Variants in KCND3 observed in about 807,000 individuals in gnomAD.
KCND3 encodes the protein A-type voltage-gated potassium channel KCND3.
Under a neutral mutation model 51.1 loss-of-function variants are expected in KCND3, and 9 were observed. The ratio of observed to expected loss-of-function variants is 0.18; its 90% CI spans 0.11 to 0.31. The LOEUF is 0.31. KCND3 is among the 10% of genes least tolerant of loss of function. KCND3 has a pLI of 1.00. For synonymous variants in KCND3, 349 were observed against 368.0 expected (o/e 0.95, Z 0.59); for missense variants, 526 against 903.8 (o/e 0.58, Z 5.36).
intron 2 of KCND3, among the ~76,000 whole-genome samples, chr1:111,819,102 T>C (rs1666236388): frequency 6.6e-6 from 1 of 152,018 alleles, no homozygotes; most frequent in Non-Finnish European, 1.5e-5. Context: ...CCTTCTTGCT[T>C]TTAGGAGAGC....
chr1:111,937,088 T>G (rs934066591), intron 2 of KCND3, among the ~76,000 whole-genome samples: 1 of 152,064 alleles, frequency 6.6e-6, no homozygotes, highest in African/African-American at 2.4e-5. Flanking sequence ...CATTGATGGA[T>G]CTGGGTGTGG....
At chr1:111,823,863 T>A (rs1045809021) in intron 2 of KCND3, among the ~76,000 whole-genome samples, 1 of 151,988 alleles carries the variant, frequency 6.6e-6, no homozygotes, top group Non-Finnish European at 1.5e-5. Context: ...ATAACTATAA[T>A]CAGGAAGCAT....
intron 2 of KCND3, among the ~76,000 whole-genome samples, chr1:111,788,883 TATACAGCTCCACA>T (rs1248025781): frequency 6.6e-6 from 1 of 152,228 alleles, no homozygotes; most frequent in East Asian, 1.9e-4. Flanking sequence ...TATTGTGACA[TATACAGCTCCACA>T]AACAATAGAT....
At chr1:111,907,340 T>G (rs567138375) in intron 2 of KCND3, among the ~76,000 whole-genome samples, 1 of 152,244 alleles carries the variant, frequency 6.6e-6, no homozygotes, top group Non-Finnish European at 1.5e-5. Flanking sequence ...TGCCCTTGTG[T>G]GTGGGCTGGA....
intron 2 of KCND3, among the ~76,000 whole-genome samples, chr1:111,945,282 C>T (rs75432786): frequency 0.01 from 1,545 of 152,266 alleles, 28 homozygotes; most frequent in African/African-American, 0.035. Context: ...TCATGTGGCT[C>T]GGCATGCACA....
intron 2 of KCND3, among the ~76,000 whole-genome samples, chr1:111,885,316 A>G (rs1669519427): frequency 6.6e-6 from 1 of 152,208 alleles, no homozygotes; most frequent in East Asian, 1.9e-4. Flanking sequence ...CAGAACTCTT[A>G]TCAACAACTC....
At chr1:111,965,480 A>G (rs1673928559) in intron 2 of KCND3, among the ~76,000 whole-genome samples, 2 of 148,852 alleles carry the variant, frequency 1.3e-5, no homozygotes, top group African/African-American at 5.1e-5. Flanking sequence ...ACACACACAC[A>G]CACACACACG....
At chr1:111,892,755 A>G (rs1669889652) in intron 2 of KCND3, among the ~76,000 whole-genome samples, 3 of 152,244 alleles carry the variant, frequency 2.0e-5, no homozygotes, top group South Asian at 4.1e-4. Context: ...TTGATTGATT[A>G]ATTAATTCAT....
intron 2 of KCND3, among the ~76,000 whole-genome samples, chr1:111,848,657 C>A (rs1319831397): frequency 1.3e-5 from 2 of 152,226 alleles, no homozygotes; most frequent in Non-Finnish European, 2.9e-5. Context: ...TGGTGCGTGG[C>A]CCCTGGGGCT....
chr1:111,818,275 G>T (rs759249435), intron 2 of KCND3, among the ~76,000 whole-genome samples: 1 of 152,218 alleles, frequency 6.6e-6, no homozygotes, highest in Non-Finnish European at 1.5e-5. Context: ...ATCTGCCTGC[G>T]CCAGGGCCCG....
chr1:111,910,484 C>T (rs1293345600), intron 2 of KCND3, among the ~76,000 whole-genome samples: 2 of 152,200 alleles, frequency 1.3e-5, no homozygotes, highest in East Asian at 1.9e-4. Flanking sequence ...CTAAAGTTTA[C>T]TGGTGCCTGT....
In KCND3 at chr1:111,868,861, C is replaced by T. The variant is rs140518905; in HGVS notation, c.1107-81755G>A. Among the ~76,000 whole-genome samples, 505 of 152,294 alleles carry T rather than the reference C, an allele frequency of 3.3e-3. 3 individuals are homozygous for T. Among genetic ancestry groups the T allele is most frequent in the African/African-American group, 0.011 (477 of 41,566 alleles). Reference sequence around the variant, plus strand: ...CGTGATCCTCCCATCTTAGCCTTCTCTGTCTCCCGAGTAGCCGGATTACAG... The same window carrying T: ...CGTGATCCTCCCATCTTAGCCTTCTTTGTCTCCCGAGTAGCCGGATTACAG... On this transcript the variant is annotated intron_variant, in intron 2 of 7. Transcript: ENST00000302127.
Position 111,773,414 on chromosome 1 carries a change from T to C in KCND3, c.*2663A>G, listed in dbSNP as rs900136098. 2 of 125,958 alleles carry C rather than the reference T, an allele frequency of 1.6e-5. No homozygotes were observed. The highest frequency in any genetic ancestry group is 3.1e-5 in the Non-Finnish European group (2 of 64,358). The allele number at this position is 125,958 out of a possible 1,614,324, so 7.8% of individuals were successfully genotyped here. A position where few individuals can be genotyped will look rare whatever the true frequency, so the allele number is the denominator to read the frequency against. On this transcript the variant is annotated 3_prime_UTR_variant, in exon 8 of 8. Transcript: ENST00000302127. ...ACCAGTTCTAATTTACCTCCTTTTT[T>C]TTTTTCTTTTCTTTTTTTTTTTTTT...
intron 2 of KCND3, among the ~76,000 whole-genome samples, chr1:111,896,150 A>C (rs1571814851): frequency 6.6e-6 from 1 of 152,272 alleles, no homozygotes; most frequent in Non-Finnish European, 1.5e-5. Flanking sequence ...AGAGGCTCGG[A>C]AGCGGAGGGA....
intron 2 of KCND3, among the ~76,000 whole-genome samples, chr1:111,961,369 T>C (rs567452435): frequency 6.6e-6 from 1 of 152,202 alleles, no homozygotes; most frequent in Non-Finnish European, 1.5e-5. Flanking sequence ...AAATAATTGT[T>C]TCCTCGTTCC....
At chr1:111,847,605 A>G (rs1365720021) in intron 2 of KCND3, among the ~76,000 whole-genome samples, 1 of 152,182 alleles carries the variant, frequency 6.6e-6, no homozygotes, top group Non-Finnish European at 1.5e-5. Context: ...ATCAGTCCCC[A>G]TTCCTGAGGG....
At chr1:111,857,453 G>A (rs993559185) in intron 2 of KCND3, among the ~76,000 whole-genome samples, 5 of 152,172 alleles carry the variant, frequency 3.3e-5, no homozygotes, top group African/African-American at 1.2e-4. Context: ...GCTGAGCTCC[G>A]AAGGCTTCTT....
At chr1:111,883,916 G>T (rs765938397) in intron 2 of KCND3, among the ~76,000 whole-genome samples, 4 of 152,212 alleles carry the variant, frequency 2.6e-5, no homozygotes, top group Non-Finnish European at 4.4e-5. Flanking sequence ...CATTCTTAAA[G>T]ATGAGAAACT....
At chr1:111,940,014 C>T (rs1022924762) in intron 2 of KCND3, among the ~76,000 whole-genome samples, 1 of 149,968 alleles carries the variant, frequency 6.7e-6, no homozygotes, top group Non-Finnish European at 1.5e-5. Context: ...TGTTTGTTGG[C>T]CGAATAAATA....
Sources: gnomAD v4.1 joint callset for allele counts (sites outside exome capture counted in the v4.1 genomes callset) on GRCh38, gnomAD v4.1.1 for gene constraint, MANE v1.5 for transcripts, NCBI Gene and HGNC (gene_info 2026-07-23, HGNC 2026-07-21) for gene names.